TCF20: variants seen among roughly 807,000 people sequenced by gnomAD.
The protein encoded by TCF20 is transcription factor 20, also known as SPRE-binding protein.
A neutral mutation model predicts 148.6 loss-of-function variants in TCF20; 3 were observed. That is an observed-to-expected ratio of 0.02 (90% CI 0.01 to 0.05). TCF20 has a LOEUF of 0.05. Among genes scored for constraint, TCF20 ranks in the 10% least tolerant of loss-of-function variants. The pLI is 1.00. For missense variants in TCF20, 2,350 were observed against 2,429.3 expected, an observed-to-expected ratio of 0.97 and a Z score of 0.69; for synonymous variants, 1,049 against 909.5, an observed-to-expected ratio of 1.15 and a Z score of -2.76.
At position 42,160,640 on chromosome 22, in the gene TCF20, TA is replaced by T. The variant is rs552087710; in HGVS notation, c.*762del. On this transcript the variant is annotated 3_prime_UTR_variant, in exon 6 of 6. Transcript: ENST00000677622. ...AATTTCACCCCCAAAAAGAAAAAATTAAAAAAAAAAAACCATAAATAAATAG... is the reference window on the plus strand; with the variant it reads ...AATTTCACCCCCAAAAAGAAAAAATTAAAAAAAAAAACCATAAATAAATAG... The T allele has an allele frequency of 0.018, 2,564 of 141,932 alleles. 62 individuals are homozygous for T. Among genetic ancestry groups the T allele is most frequent in the African/African-American group, 0.052 (2,038 of 39,424 alleles). The allele number at this position is 141,932 out of a possible 1,614,324, so 8.8% of individuals were successfully genotyped here.
chr22:42,201,797 C>A (rs1289102434), intron 2 of TCF20, among the ~76,000 whole-genome samples: 1 of 151,700 alleles, frequency 6.6e-6, no homozygotes, highest in Admixed American at 6.6e-5. Flanking sequence ...ACCAAAAAAA[C>A]CCAACTTTAC....
chr22:42,198,545 T>C (rs1222644606), intron 2 of TCF20, among the ~76,000 whole-genome samples: 1 of 152,246 alleles, frequency 6.6e-6, no homozygotes, highest in Non-Finnish European at 1.5e-5. Flanking sequence ...CTCTAGATTA[T>C]GTATGATACC....
intron 1 of TCF20, among the ~76,000 whole-genome samples, chr22:42,310,396 G>A (rs1927512014): frequency 2.1e-5 from 3 of 143,238 alleles, no homozygotes; most frequent in African/African-American, 7.6e-5. Context: ...GACAGTGAGA[G>A]ACTCTCACAA....
chr22:42,339,934 G>T (rs908245381), intron 1 of TCF20, among the ~76,000 whole-genome samples: 8 of 152,178 alleles, frequency 5.3e-5, no homozygotes, highest in African/African-American at 1.9e-4. Flanking sequence ...AGACAAGAAT[G>T]GGCCTGGGAA....
chr22:42,201,700 G>A (rs1053771305), intron 2 of TCF20, among the ~76,000 whole-genome samples: 9 of 151,846 alleles, frequency 5.9e-5, no homozygotes, highest in African/African-American at 2.2e-4. Context: ...CCTGGGAGGC[G>A]AAGGTTTCAG....
At chr22:42,170,026 T>C in intron 3 of TCF20, 130 bp from the exon 4 acceptor site, 1 of 797,816 alleles carries the variant, frequency 1.3e-6, no homozygotes, top group Non-Finnish European at 2.0e-6. Context: ...TAGGAAAACA[T>C]TAGAGACAAC....
At chr22:42,268,847 A>G (rs1335481694) in intron 1 of TCF20, among the ~76,000 whole-genome samples, 1 of 152,238 alleles carries the variant, frequency 6.6e-6, no homozygotes, top group South Asian at 2.1e-4. Context: ...ACCAACTTTT[A>G]TGCTCTGTTG....
intron 1 of TCF20, among the ~76,000 whole-genome samples, chr22:42,219,830 T>C (rs1370924370): frequency 6.6e-6 from 1 of 152,168 alleles, no homozygotes; most frequent in African/African-American, 2.4e-5. Context: ...CCCTCCAGCC[T>C]GGGCAACAAA....
intron 1 of TCF20, among the ~76,000 whole-genome samples, chr22:42,219,371 A>AG (rs1347145730): frequency 6.8e-6 from 1 of 147,694 alleles, no homozygotes; most frequent in African/African-American, 2.5e-5. Context: ...AAAAAAAAAA[A>AG]AAAAAAAAAA....
In TCF20 at chr22:42,335,088, C is replaced by T. The variant is rs559392802; in HGVS notation, c.-37+8391G>A. On this transcript the variant is annotated intron_variant, in intron 1 of 1. Transcript: ENST00000515426. Reference sequence around the variant, plus strand: ...GGGACCTGGGCTCCACAGAGACATCCGAGACCATTCCTGCTCCCGGGGCCC... The same window carrying T: ...GGGACCTGGGCTCCACAGAGACATCTGAGACCATTCCTGCTCCCGGGGCCC... 5.3e-5 allele frequency among the ~76,000 whole-genome samples: 8 copies of T among 152,270 alleles called. No individual in the cohort carries two copies. In the South Asian group the frequency reaches 1.5e-3, roughly 28 times the overall value.
Position 42,213,057 on chromosome 22 carries a change from G to A in TCF20, c.2249C>T (p.Pro750Leu). Residue 750 changes from proline to leucine, a missense_variant, in exon 2 of 6, where the codon CCA becomes CTA. By Grantham distance (98) the Pro-to-Leu change is moderately conservative. This residue lies in a region of TCF20 where 1,641 missense variants were observed against 1,662.6 expected (regional missense o/e 0.99). Coordinates refer to ENST00000677622, the MANE Select transcript of TCF20 (RefSeq NM_001378418.1). ...GERKGRNEKF[P>L]SLLQEVLQGY... ...CTGAAGCACTTCCTGCAGGAGGCTT[G>A]GGAATTTTTCATTTCTACCCTTTCG... 6.2e-7 allele frequency: 1 copy of A among 1,614,062 alleles called. No individual in the cohort carries two copies. Among genetic ancestry groups the A allele is most frequent in the South Asian group, 1.1e-5 (1 of 91,088 alleles).
At chr22:42,168,883 C>T in intron 4 of TCF20, 147 bp from the exon 5 acceptor site, 4 of 1,153,318 alleles carry the variant, frequency 3.5e-6, no homozygotes, top group East Asian at 6.1e-5. Context: ...GACATTCAGA[C>T]AGGGTTTTCT....
At chr22:42,304,886 G>T (rs187360982) in intron 1 of TCF20, among the ~76,000 whole-genome samples, 1 of 152,244 alleles carries the variant, frequency 6.6e-6, no homozygotes, top group East Asian at 1.9e-4. Context: ...GTTCCAGGCT[G>T]AAGACTGGAG....
intron 1 of TCF20, chr22:42,269,707 TCCTGCGCCGGGAC>T (rs917507287): frequency 1.5e-4 from 23 of 152,778 alleles, no homozygotes; most frequent in African/African-American, 4.8e-4. Flanking sequence ...AGGAAGTGTG[TCCTGCGCCGGGAC>T]CTTGCGCCCA....
intron 3 of TCF20, among the ~76,000 whole-genome samples, chr22:42,177,243 C>T (rs1425605034): frequency 5.3e-5 from 8 of 152,002 alleles, no homozygotes; most frequent in Non-Finnish European, 7.4e-5. Flanking sequence ...GGCAAAACCC[C>T]GTCTCTACTA....
intron 1 of TCF20, among the ~76,000 whole-genome samples, chr22:42,327,392 T>TC (rs1339565807): frequency 6.6e-6 from 1 of 151,910 alleles, no homozygotes; most frequent in African/African-American, 2.4e-5. Context: ...GAACTCCCCC[T>TC]CCCCCAACCT....
intron 1 of TCF20, among the ~76,000 whole-genome samples, chr22:42,310,797 G>T (rs933665007): frequency 1.3e-5 from 2 of 152,198 alleles, no homozygotes; most frequent in African/African-American, 4.8e-5. Context: ...CCCAACAGGT[G>T]GATCTGTGGT....
At chr22:42,321,455 T>G (rs1927731400) in intron 1 of TCF20, among the ~76,000 whole-genome samples, 1 of 152,058 alleles carries the variant, frequency 6.6e-6, no homozygotes, top group Non-Finnish European at 1.5e-5. Context: ...TCTACACCCC[T>G]GTCCACTCTT....
At chr22:42,329,351 C>G (rs932463942) in intron 1 of TCF20, among the ~76,000 whole-genome samples, 7 of 152,238 alleles carry the variant, frequency 4.6e-5, no homozygotes, top group Non-Finnish European at 7.3e-5. Flanking sequence ...AGCCTGAACG[C>G]ACCTGCCAGG....
Sources: allele counts gnomAD v4.1 joint callset (sites outside exome capture counted in the v4.1 genomes callset), GRCh38; gene constraint gnomAD v4.1.1; regional missense constraint gnomAD v4.1.1; transcripts MANE v1.5; gene names NCBI Gene and HGNC (gene_info 2026-07-23, HGNC 2026-07-21).